Variants in TIAM2 observed in about 807,000 individuals in gnomAD.
The protein encoded by TIAM2 is TIAM Rac1 associated GEF 2.
A neutral mutation model predicts 152.9 loss-of-function variants in TIAM2; 80 were observed. The observed-to-expected ratio is 0.52, with a 90% CI of 0.44 to 0.63. The LOEUF is 0.63. Ranked by LOEUF, TIAM2 falls within the 30% of genes least tolerant of loss-of-function variation. The probability of loss-of-function intolerance (pLI) is 0.00; values close to 1 mark genes in which losing one functional copy is unlikely to be tolerated. For missense variants in TIAM2, 1,965 were observed against 2,120.1 expected (o/e 0.93, Z 1.44); for synonymous variants, 804 against 838.0 (o/e 0.96, Z 0.70).
intron 1 of TIAM2, among the ~76,000 whole-genome samples, chr6:155,059,045 A>G (rs1421696893): frequency 6.6e-6 from 1 of 152,212 alleles, no homozygotes; most frequent in African/African-American, 2.4e-5. Context: ...TCAGGCATCA[A>G]CACTAGGAAA....
chr6:155,237,468 G>A (rs969619463), intron 15 of TIAM2, among the ~76,000 whole-genome samples: 90 of 152,344 alleles, frequency 5.9e-4, no homozygotes, highest in Middle Eastern at 3.4e-3. Flanking sequence ...TCCACTAGGC[G>A]GTGCCCCAGT....
At chr6:155,030,024 G>C (rs57461837) in intron 1 of TIAM2, among the ~76,000 whole-genome samples, 32,077 of 151,918 alleles carry the variant, frequency 0.21, 3,642 homozygotes, top group African/African-American at 0.28. Flanking sequence ...GAACCCTGGG[G>C]TCAAGCCATC....
intron 1 of TIAM2, among the ~76,000 whole-genome samples, chr6:154,996,550 A>T (rs904022323): frequency 6.6e-6 from 1 of 152,134 alleles, no homozygotes; most frequent in African/African-American, 2.4e-5. Flanking sequence ...TTAACAGACA[A>T]CACCGGCTAT....
At chr6:155,037,234 A>C (rs1776939527) in intron 1 of TIAM2, among the ~76,000 whole-genome samples, 1 of 152,196 alleles carries the variant, frequency 6.6e-6, no homozygotes, top group Non-Finnish European at 1.5e-5. Context: ...GGGGCAGTAA[A>C]ATACTGACCT....
chr6:155,225,897 A>C (rs1318734119), intron 15 of TIAM2, among the ~76,000 whole-genome samples: 3 of 152,212 alleles, frequency 2.0e-5, no homozygotes, highest in Non-Finnish European at 4.4e-5. Flanking sequence ...AACAAAAACC[A>C]TAATTAAAGG....
At chr6:155,237,856 GT>G (rs1782849295) in intron 15 of TIAM2, among the ~76,000 whole-genome samples, 1 of 152,254 alleles carries the variant, frequency 6.6e-6, no homozygotes, top group Admixed American at 6.5e-5. Context: ...CTCCAGGCCT[GT>G]GATGGGAAGG....
At chr6:155,203,991 T>A (rs1390530527) in intron 14 of TIAM2, among the ~76,000 whole-genome samples, 1 of 152,048 alleles carries the variant, frequency 6.6e-6, no homozygotes. Flanking sequence ...TTTTGGAAGT[T>A]TGTGTTTCTG....
intron 1 of TIAM2, among the ~76,000 whole-genome samples, chr6:155,002,455 C>T (rs1022821021): frequency 4.6e-5 from 7 of 151,992 alleles, no homozygotes; most frequent in African/African-American, 1.4e-4. Context: ...CCTGGCCTGA[C>T]GAAATGAGAA....
At chr6:155,234,119 T>C (rs1047800906) in intron 15 of TIAM2, among the ~76,000 whole-genome samples, 1 of 152,150 alleles carries the variant, frequency 6.6e-6, no homozygotes, top group East Asian at 1.9e-4. Flanking sequence ...TCATGCTCTT[T>C]TATGAAAGCT....
chr6:155,227,045 C>T (rs1426050430), intron 15 of TIAM2, among the ~76,000 whole-genome samples: 1 of 152,186 alleles, frequency 6.6e-6, no homozygotes. Flanking sequence ...GAAGGATTTT[C>T]CCTCCTGCTC....
At chr6:155,138,233 GA>G (rs967771250) in intron 5 of TIAM2, among the ~76,000 whole-genome samples, 5 of 151,762 alleles carry the variant, frequency 3.3e-5, no homozygotes, top group African/African-American at 1.2e-4. Context: ...TGGATTTGGA[GA>G]AAAAAAAGTC....
chr6:155,181,238 A>C (rs988130719), intron 12 of TIAM2, among the ~76,000 whole-genome samples: 13 of 152,172 alleles, frequency 8.5e-5, no homozygotes, highest in African/African-American at 3.1e-4. Context: ...GGGGGACACT[A>C]AGTCAGGAGC....
intron 1 of TIAM2, among the ~76,000 whole-genome samples, chr6:155,032,444 A>G (rs1776843282): frequency 6.6e-6 from 1 of 152,222 alleles, no homozygotes; most frequent in Admixed American, 6.5e-5. Context: ...GAATTGAGGC[A>G]TCTGTCAAAA....
chr6:155,028,020 TTATA>T (rs1776649289), intron 1 of TIAM2, among the ~76,000 whole-genome samples: 11 of 129,288 alleles, frequency 8.5e-5, no homozygotes, highest in African/African-American at 1.8e-4. Flanking sequence ...ATGTACTGTG[TTATA>T]TACTATATAT....
chr6:155,041,068 C>G (rs1777016055), intron 1 of TIAM2, among the ~76,000 whole-genome samples: 1 of 152,026 alleles, frequency 6.6e-6, no homozygotes, highest in Non-Finnish European at 1.5e-5. Flanking sequence ...TCCACACTGC[C>G]CATTGTTCTA....
At chr6:155,035,448 T>C (rs1234041722) in intron 1 of TIAM2, among the ~76,000 whole-genome samples, 1 of 152,100 alleles carries the variant, frequency 6.6e-6, no homozygotes, top group Non-Finnish European at 1.5e-5. Context: ...CTCAAATTCT[T>C]GACCTCAGAC....
intron 7 of TIAM2, among the ~76,000 whole-genome samples, chr6:155,159,434 A>G (rs189161312): frequency 6.6e-6 from 1 of 152,262 alleles, no homozygotes; most frequent in East Asian, 1.9e-4. Context: ...CCTGTCCCCT[A>G]CATGTTGTTC....
At chr6:155,107,229 A>T (rs1778716164) in intron 2 of TIAM2, among the ~76,000 whole-genome samples, 1 of 151,956 alleles carries the variant, frequency 6.6e-6, no homozygotes. Context: ...GTGAGATAAA[A>T]ATGTTTCTCA....
chr6:155,176,676 G>A, intron 9 of TIAM2, 140 bp from the exon 10 acceptor site: 1 of 818,450 alleles, frequency 1.2e-6, no homozygotes, highest in Non-Finnish European at 1.9e-6. Flanking sequence ...GTCAGCCTCA[G>A]AGGGCTGTGA....
Sources: allele counts gnomAD v4.1 joint callset (sites outside exome capture counted in the v4.1 genomes callset), GRCh38; gene constraint gnomAD v4.1.1; transcripts MANE v1.5; gene names NCBI Gene and HGNC (gene_info 2026-07-23, HGNC 2026-07-21).